Variants in GNG2 observed in about 807,000 individuals in gnomAD.
GNG2 encodes G protein subunit gamma 2.
GNG2 carries 5 observed loss-of-function variants against 5.5 expected under a neutral mutation model. That is an observed-to-expected ratio of 0.91 (90% CI 0.48 to 1.92). The LOEUF is 1.92. GNG2 is among the 30% of genes most tolerant of loss of function. The probability of loss-of-function intolerance (pLI) is 0.01; values close to 1 mark genes in which losing one functional copy is unlikely to be tolerated. For synonymous variants in GNG2, 28 were observed against 32.0 expected, an observed-to-expected ratio of 0.88 and a Z score of 0.42; for missense variants, 55 against 88.4, an observed-to-expected ratio of 0.62 and a Z score of 1.52.
At chr14:51,936,450 C>G (rs780545369) in intron 2 of GNG2, among the ~76,000 whole-genome samples, 33 of 151,304 alleles carry the variant, frequency 2.2e-4, no homozygotes, top group Admixed American at 7.2e-4. Flanking sequence ...AAAATAGCTT[C>G]TGCAATCATG....
intron 2 of GNG2, among the ~76,000 whole-genome samples, chr14:51,924,607 A>G (rs1887202094): frequency 6.6e-6 from 1 of 152,218 alleles, no homozygotes; most frequent in Non-Finnish European, 1.5e-5. Flanking sequence ...TGAGGAAGAA[A>G]CAGCCCTTGA....
chr14:51,840,208 G>A (rs1013592171), intron 2 of GNG2, among the ~76,000 whole-genome samples: 7 of 152,136 alleles, frequency 4.6e-5, no homozygotes, highest in Admixed American at 2.6e-4. Context: ...CCTGTACCTC[G>A]GTCTGGGAGC....
At chr14:51,869,488 T>C (rs1228175872) in intron 1 of GNG2, among the ~76,000 whole-genome samples, 1 of 152,178 alleles carries the variant, frequency 6.6e-6, no homozygotes, top group Non-Finnish European at 1.5e-5. Context: ...TAGAGGCATA[T>C]CAAGGTGCAG....
At chr14:51,897,890 A>G (rs1885304829) in intron 2 of GNG2, among the ~76,000 whole-genome samples, 1 of 152,220 alleles carries the variant, frequency 6.6e-6, no homozygotes, top group Admixed American at 6.5e-5. Flanking sequence ...TAGTACTAAC[A>G]TTCTTTTCAA....
intron 1 of GNG2, among the ~76,000 whole-genome samples, chr14:51,827,203 G>A (rs975674795): frequency 6.6e-6 from 1 of 152,220 alleles, no homozygotes; most frequent in Non-Finnish European, 1.5e-5. Context: ...CACGGGCACA[G>A]ATGTCAATAC....
chr14:51,842,885 G>A (rs374834956), intron 2 of GNG2, among the ~76,000 whole-genome samples: 1 of 151,974 alleles, frequency 6.6e-6, no homozygotes. Context: ...GGCTGGTCCC[G>A]AACTCCTGAC....
chr14:51,872,666 T>C (rs1297022832), intron 1 of GNG2, among the ~76,000 whole-genome samples: 1 of 152,172 alleles, frequency 6.6e-6, no homozygotes, highest in African/African-American at 2.4e-5. Flanking sequence ...TTGCCTCCCA[T>C]GAGAAAATAG....
At chr14:51,951,923 C>T in intron 3 of GNG2, 6 of 701,962 alleles carry the variant, frequency 8.5e-6, no homozygotes, top group African/African-American at 1.7e-5. Context: ...CGATGGTTCT[C>T]AGCTCATCTG....
At chr14:51,878,334 GT>G (rs1261212215) in intron 2 of GNG2, among the ~76,000 whole-genome samples, 2 of 152,078 alleles carry the variant, frequency 1.3e-5, no homozygotes, top group African/African-American at 4.8e-5. Flanking sequence ...TGCCAAGTGT[GT>G]ACCAAAGTAG....
chr14:51,881,358 G>T (rs1372333847), intron 2 of GNG2, among the ~76,000 whole-genome samples: 1 of 152,174 alleles, frequency 6.6e-6, no homozygotes, highest in Non-Finnish European at 1.5e-5. Flanking sequence ...TCATGTCTTG[G>T]AGTCTCATTT....
At chr14:51,962,122 A>C (rs1889648343) in intron 3 of GNG2, among the ~76,000 whole-genome samples, 1 of 152,202 alleles carries the variant, frequency 6.6e-6, no homozygotes, top group South Asian at 2.1e-4. Context: ...TCTCCTTCTT[A>C]GAATCATGTT....
chr14:51,855,629 A>G (rs1230763620), upstream of GNG2, among the ~76,000 whole-genome samples: 1 of 152,246 alleles, frequency 6.6e-6, no homozygotes, highest in Admixed American at 6.5e-5. Flanking sequence ...TGAACAATTA[A>G]GCAAGCCATT....
intron 2 of GNG2, among the ~76,000 whole-genome samples, chr14:51,918,809 T>C (rs542057385): frequency 1.3e-5 from 2 of 152,254 alleles, no homozygotes; most frequent in Non-Finnish European, 2.9e-5. Flanking sequence ...ATCAAGGAAA[T>C]AGAATTTAGA....
intron 3 of GNG2, among the ~76,000 whole-genome samples, chr14:51,955,527 G>T (rs1212720151): frequency 6.6e-6 from 1 of 152,086 alleles, no homozygotes; most frequent in African/African-American, 2.4e-5. Context: ...CAAGCATTTT[G>T]TAAAAGCTTT....
intron 2 of GNG2, among the ~76,000 whole-genome samples, chr14:51,833,943 T>C (rs1165740311): frequency 1.3e-5 from 2 of 151,248 alleles, no homozygotes; most frequent in Admixed American, 6.6e-5. Context: ...TAGCTTACAG[T>C]AGGTGTCTTG....
Position 51,948,010 on chromosome 14 carries a change from T to C in GNG2, c.-29-2640T>C, listed in dbSNP as rs114448220. 4.6e-3 allele frequency among the ~76,000 whole-genome samples: 702 copies of C among 152,336 alleles called. 4 individuals are homozygous for C. Among genetic ancestry groups the C allele is most frequent in the African/African-American group, 0.016 (681 of 41,576 alleles). ...CCCAGATCCTTCCTGTTCACCCTAG[T>C]GTAGCAGTCATGCTAGAGGTTCAAG... On this transcript the variant is annotated intron_variant, in intron 2 of 3. Coordinates refer to ENST00000556766, the MANE Select transcript of GNG2 (RefSeq NM_053064.5).
At position 51,969,342 on chromosome 14, in the gene GNG2, A is replaced by G. The variant is rs1890097147; in HGVS notation, c.*2655A>G. ...CTCCAGTTTAAAAAGTGTTATTTTT[A>G]AAACATTTGAAACCAAGTACTGTTT... On this transcript the variant is annotated 3_prime_UTR_variant, in exon 4 of 4. Transcript: ENST00000556766. 1.3e-5 allele frequency: 2 copies of G among 152,218 alleles called. No individual in the cohort carries two copies. Among genetic ancestry groups the G allele is most frequent in the Non-Finnish European group, 2.9e-5 (2 of 68,032 alleles). The allele number at this position is 152,218 out of a possible 1,614,324, so 9.4% of individuals were successfully genotyped here.
At chr14:51,941,957 A>G (rs1216755509) in intron 2 of GNG2, among the ~76,000 whole-genome samples, 1 of 152,212 alleles carries the variant, frequency 6.6e-6, no homozygotes, top group African/African-American at 2.4e-5. Flanking sequence ...GAATTCTATC[A>G]ATCTCTTATA....
intron 2 of GNG2, among the ~76,000 whole-genome samples, chr14:51,879,764 G>C (rs1382751271): frequency 6.6e-6 from 1 of 152,174 alleles, no homozygotes; most frequent in Non-Finnish European, 1.5e-5. Context: ...TGTGTGATAA[G>C]ATTGAACATA....
Sources: allele counts gnomAD v4.1 joint callset (sites outside exome capture counted in the v4.1 genomes callset), GRCh38; gene constraint gnomAD v4.1.1; transcripts MANE v1.5; gene names NCBI Gene and HGNC (gene_info 2026-07-23, HGNC 2026-07-21).